Variants in C8orf34 observed in about 807,000 individuals in gnomAD.
C8orf34 encodes chromosome 8 open reading frame 34, also known as uncharacterized protein C8orf34.
Under a neutral mutation model 68.3 loss-of-function variants are expected in C8orf34, and 65 were observed. The ratio of observed to expected loss-of-function variants is 0.95; its 90% CI spans 0.78 to 1.17. The LOEUF (loss-of-function observed/expected upper bound fraction) is 1.17, where lower values mean the gene tolerates loss of function less well. C8orf34 is among the 50% of genes most tolerant of loss of function. The pLI, the probability that C8orf34 is intolerant of heterozygous loss-of-function variation, is 0.00. For missense variants in C8orf34, 664 were observed against 655.4 expected, an observed-to-expected ratio of 1.01 and a Z score of -0.14; for synonymous variants, 244 against 241.2, an observed-to-expected ratio of 1.01 and a Z score of -0.11.
At chr8:68,521,190 C>T (rs1245010626) in intron 5 of C8orf34, among the ~76,000 whole-genome samples, 1 of 152,144 alleles carries the variant, frequency 6.6e-6, no homozygotes, top group Non-Finnish European at 1.5e-5. Flanking sequence ...AAATCCCTAG[C>T]AATACATGTA....
chr8:68,404,839 A>T (rs917045525), intron 1 of C8orf34, among the ~76,000 whole-genome samples: 1 of 151,932 alleles, frequency 6.6e-6, no homozygotes. Flanking sequence ...TTTGCTTAGG[A>T]TTGTCTTGGC....
chr8:68,369,841 C>T (rs753888169), intron 1 of C8orf34, among the ~76,000 whole-genome samples: 4 of 152,164 alleles, frequency 2.6e-5, no homozygotes, highest in African/African-American at 9.7e-5. Flanking sequence ...ACAGGCACTT[C>T]GAGTATCATT....
At chr8:68,728,157 C>A (rs537257423) in intron 10 of C8orf34, among the ~76,000 whole-genome samples, 1 of 152,180 alleles carries the variant, frequency 6.6e-6, no homozygotes, top group Non-Finnish European at 1.5e-5. Context: ...CCTAAATAGT[C>A]TCTCTCAAGT....
chr8:68,516,962 C>T (rs915613313), intron 5 of C8orf34, among the ~76,000 whole-genome samples: 5 of 151,992 alleles, frequency 3.3e-5, no homozygotes, highest in African/African-American at 9.7e-5. Context: ...TAAAGTTACG[C>T]TGACTTGCTT....
At position 68,640,428 on chromosome 8, in the gene C8orf34, G is replaced by A; in HGVS notation, c.1158G>A (p.Gly386=). The A allele has an allele frequency of 6.2e-7, 1 of 1,613,822 alleles. No homozygotes were observed. The highest frequency in any genetic ancestry group is 8.5e-7 in the Non-Finnish European group (1 of 1,179,856). ...MEGVTTLVPS[G]SKFNQGRPTY... ...GAGTAACAACCCTGGTACCTTCTGG[G>A]AGCAAATTTAACCAAGGCCGTCCTA... Residue 386 remains glycine, a synonymous_variant, in exon 8 of 14, where the codon GGG becomes GGA. Transcript: ENST00000518698.
At chr8:68,718,746 A>T (rs1399952814) in intron 9 of C8orf34, among the ~76,000 whole-genome samples, 2 of 152,188 alleles carry the variant, frequency 1.3e-5, no homozygotes, top group Non-Finnish European at 2.9e-5. Context: ...AAAAAGTTGG[A>T]TGTAGCTAAG....
At chr8:68,613,987 T>A (rs1429684206) in intron 7 of C8orf34, among the ~76,000 whole-genome samples, 1 of 152,224 alleles carries the variant, frequency 6.6e-6, no homozygotes, top group East Asian at 1.9e-4. Flanking sequence ...GCATTCTAAC[T>A]GGTGTGAGAT....
In C8orf34 at chr8:68,460,182, T is replaced by C. The variant is rs1169256343; in HGVS notation, c.608-8510T>C. 1.5e-4 allele frequency among the ~76,000 whole-genome samples: 23 copies of C among 152,286 alleles called. No individual in the cohort carries two copies. In the East Asian group the frequency reaches 2.9e-3, roughly 19 times the overall value. On this transcript the variant is annotated intron_variant, in intron 3 of 13. Transcript: ENST00000518698. ...GGGTCCTACACCCACGGAGTCTCGC[T>C]GATTGCTAGCACAGCAGTCTGAGAT...
chr8:68,705,758 G>A (rs147179065), intron 8 of C8orf34, among the ~76,000 whole-genome samples: 25 of 151,926 alleles, frequency 1.6e-4, no homozygotes, highest in Non-Finnish European at 1.5e-4. Flanking sequence ...TGAAAGAGAA[G>A]TGAGCTTGTT....
intron 8 of C8orf34, among the ~76,000 whole-genome samples, chr8:68,678,141 A>G (rs1305978983): frequency 6.6e-6 from 1 of 152,184 alleles, no homozygotes; most frequent in Non-Finnish European, 1.5e-5. Flanking sequence ...TTTACCAAAC[A>G]TTTGAAGAAG....
chr8:68,401,302 A>T lies in C8orf34; in HGVS notation c.328-38197A>T, dbSNP rs1808944074. Among the ~76,000 whole-genome samples the T allele has an allele frequency of 2.0e-5, 3 of 152,274 alleles. No individual in the cohort carries two copies. The South Asian group carries it at 6.2e-4, about 32-fold the overall frequency. ...GGAGTCTTTAGGATCTTCTAAAAAT[A>T]AGAGTATATCATCAGCCAACAGGAA... On this transcript the variant is annotated intron_variant, in intron 1 of 13. Coordinates refer to ENST00000518698, the MANE Select transcript of C8orf34 (RefSeq NM_052958.4).
intron 7 of C8orf34, among the ~76,000 whole-genome samples, chr8:68,571,800 C>G (rs769490065): frequency 6.6e-6 from 1 of 152,108 alleles, no homozygotes; most frequent in Non-Finnish European, 1.5e-5. Flanking sequence ...GGTGACTGAG[C>G]CTTCTATTTG....
At chr8:68,592,814 G>A (rs1000229281) in intron 7 of C8orf34, among the ~76,000 whole-genome samples, 1 of 151,632 alleles carries the variant, frequency 6.6e-6, no homozygotes, top group African/African-American at 2.4e-5. Context: ...TCACCATGTT[G>A]GTCAGGCTGG....
At chr8:68,716,522 G>A (rs1821477052) in intron 9 of C8orf34, among the ~76,000 whole-genome samples, 1 of 151,976 alleles carries the variant, frequency 6.6e-6, no homozygotes, top group South Asian at 2.1e-4. Context: ...AGTCCAACAA[G>A]CAGATGAAAA....
intron 8 of C8orf34, among the ~76,000 whole-genome samples, chr8:68,697,500 T>C (rs923137654): frequency 2.6e-5 from 4 of 152,118 alleles, no homozygotes; most frequent in African/African-American, 4.8e-5. Context: ...TCTTTAACCA[T>C]AGTTGTTAGA....
At chr8:68,567,542 A>C (rs1816627110) in intron 7 of C8orf34, among the ~76,000 whole-genome samples, 1 of 108,516 alleles carries the variant, frequency 9.2e-6, no homozygotes, top group Non-Finnish European at 2.0e-5. Flanking sequence ...CTAATGATGT[A>C]TCAATTTTAT....
At chr8:68,338,444 CTGTT>C (rs1318378855) in intron 1 of C8orf34, among the ~76,000 whole-genome samples, 1 of 152,114 alleles carries the variant, frequency 6.6e-6, no homozygotes, top group Non-Finnish European at 1.5e-5. Context: ...GTCTAGAAGC[CTGTT>C]TGTAACTCCT....
intron 9 of C8orf34, among the ~76,000 whole-genome samples, chr8:68,715,619 C>T (rs1318824945): frequency 3.3e-5 from 5 of 151,328 alleles, no homozygotes; most frequent in Non-Finnish European, 7.4e-5. Context: ...CAACAATGGC[C>T]TACTATGGCC....
intron 8 of C8orf34, among the ~76,000 whole-genome samples, chr8:68,684,189 A>C (rs1447329253): frequency 6.6e-6 from 1 of 152,140 alleles, no homozygotes; most frequent in Non-Finnish European, 1.5e-5. Context: ...ACTCATAAAA[A>C]TACAGAGTGT....
Sources: gnomAD v4.1 joint callset for allele counts (sites outside exome capture counted in the v4.1 genomes callset) on GRCh38, gnomAD v4.1.1 for gene constraint, MANE v1.5 for transcripts, NCBI Gene and HGNC (gene_info 2026-07-23, HGNC 2026-07-21) for gene names.